Variants in CSMD1 observed in about 807,000 individuals in gnomAD.
CSMD1 encodes CUB and sushi domain-containing protein 1.
A neutral mutation model predicts 417.5 loss-of-function variants in CSMD1; 213 were observed. The observed-to-expected ratio is 0.51, with a 90% confidence interval of 0.46 to 0.57. The LOEUF is 0.57. Among genes scored for constraint, CSMD1 ranks in the 20% least tolerant of loss-of-function variants. CSMD1 has a pLI of 0.00. For missense variants in CSMD1, 6,923 were observed against 4,529.7 expected (o/e 1.53, Z -15.17); for synonymous variants, 2,862 against 1,736.8 (o/e 1.65, Z -16.11).
At chr8:4,058,729 CAAG>C (rs1798822477) in intron 3 of CSMD1, among the ~76,000 whole-genome samples, 1 of 137,342 alleles carries the variant, frequency 7.3e-6, no homozygotes, top group African/African-American at 2.7e-5. Context: ...ATCAATTCAA[CAAG>C]AAGAGCTAAC....
At chr8:4,107,083 G>A (rs1013699860) in intron 3 of CSMD1, among the ~76,000 whole-genome samples, 1 of 152,094 alleles carries the variant, frequency 6.6e-6, no homozygotes, top group South Asian at 2.1e-4. Flanking sequence ...ACGACAACAT[G>A]AACAAGGTGA....
At position 3,199,760 on chromosome 8, in the gene CSMD1, A is replaced by G. The variant is rs370226890; in HGVS notation, c.5148T>C (p.Ser1716=). 2.4e-5 allele frequency: 38 copies of G among 1,588,086 alleles called. No homozygotes were observed. Among genetic ancestry groups the G allele is most frequent in the African/African-American group, 2.1e-4 (16 of 74,658 alleles). ...ATSNQILLRF[S]AKSGASARGF... is the part of the protein sequence containing the mutation. ...CGCGGGCAGAGGCACCGCTCTTTGC[A>G]CTGAATCGGAGCAGAATTTGATTTG... Residue 1716 remains serine, a synonymous_variant, in exon 33 of 70, where the codon AGT becomes AGC. Coordinates refer to ENST00000635120, the MANE Select transcript of CSMD1 (RefSeq NM_033225.6).
At chr8:3,946,739 T>C (rs1437104720) in intron 5 of CSMD1, among the ~76,000 whole-genome samples, 1 of 152,196 alleles carries the variant, frequency 6.6e-6, no homozygotes, top group Non-Finnish European at 1.5e-5. Flanking sequence ...TTTAGTAATT[T>C]CTCTCAGCTA....
intron 3 of CSMD1, among the ~76,000 whole-genome samples, chr8:4,107,219 A>G (rs1176226008): frequency 6.6e-6 from 1 of 152,262 alleles, no homozygotes; most frequent in African/African-American, 2.4e-5. Flanking sequence ...CTACAGAGCT[A>G]GAAGTAGCTG....
At chr8:4,504,323 A>G (rs1802410646) in intron 2 of CSMD1, among the ~76,000 whole-genome samples, 1 of 152,154 alleles carries the variant, frequency 6.6e-6, no homozygotes, top group East Asian at 1.9e-4. Context: ...TAGGGAAGAA[A>G]GGAAAATGGA....
chr8:4,455,809 G>C (rs554287175), intron 2 of CSMD1, among the ~76,000 whole-genome samples: 2 of 150,550 alleles, frequency 1.3e-5, no homozygotes, highest in African/African-American at 2.4e-5. Context: ...CATGTGCCTG[G>C]AATCCCAGCT....
At chr8:4,157,297 C>T (rs993587398) in intron 3 of CSMD1, among the ~76,000 whole-genome samples, 2 of 152,166 alleles carry the variant, frequency 1.3e-5, no homozygotes, top group Admixed American at 6.5e-5. Flanking sequence ...AATTGCAGAG[C>T]TGGGTCACTG....
chr8:4,137,917 G>A (rs539641088), intron 3 of CSMD1, among the ~76,000 whole-genome samples: 24 of 151,158 alleles, frequency 1.6e-4, no homozygotes, highest in African/African-American at 2.9e-4. Flanking sequence ...TCGCTCTGTC[G>A]CCCAGGTTGG....
At position 4,344,376 on chromosome 8, in the gene CSMD1, C is replaced by T. The variant is rs567559442; in HGVS notation, c.415+75577G>A. Among the ~76,000 whole-genome samples, 21 of 152,138 alleles carry T rather than the reference C, an allele frequency of 1.4e-4. No individual in the cohort carries two copies. In the South Asian group the frequency reaches 1.7e-3, roughly 12 times the overall value. ...GTACATTATTTTTCATACTCCCATA[C>T]GCTCAAGCTCAGAGAGTACCTACTA... On this transcript the variant is annotated intron_variant, in intron 3 of 69. Coordinates refer to ENST00000635120, the MANE Select transcript of CSMD1 (RefSeq NM_033225.6).
chr8:3,708,223 C>T (rs763807653), intron 7 of CSMD1, among the ~76,000 whole-genome samples, 191 bp downstream of exon 7: 2 of 152,140 alleles, frequency 1.3e-5, no homozygotes, highest in African/African-American at 4.8e-5. Context: ...GAGTTAGAAC[C>T]ACCACGACAT....
intron 3 of CSMD1, among the ~76,000 whole-genome samples, chr8:4,084,308 CA>C (rs751293413): frequency 5.1e-5 from 7 of 137,118 alleles, no homozygotes; most frequent in Non-Finnish European, 9.4e-5. Flanking sequence ...AAAAAAGTGA[CA>C]AAAAATATTG....
intron 1 of CSMD1, among the ~76,000 whole-genome samples, chr8:4,653,363 G>A (rs546060883): frequency 2.0e-5 from 3 of 152,052 alleles, no homozygotes; most frequent in Admixed American, 6.5e-5. Context: ...CTATCTTTCC[G>A]TGCTGCAGTA....
chr8:3,615,389 C>A (rs1802085060), intron 8 of CSMD1, among the ~76,000 whole-genome samples: 1 of 152,180 alleles, frequency 6.6e-6, no homozygotes, highest in African/African-American at 2.4e-5. Context: ...CTACTCCCCT[C>A]CTCCAGAGAC....
At chr8:4,464,890 A>C (rs1232842455) in intron 2 of CSMD1, among the ~76,000 whole-genome samples, 2 of 152,026 alleles carry the variant, frequency 1.3e-5, no homozygotes, top group Non-Finnish European at 2.9e-5. Context: ...ATTAGTTTTT[A>C]TTAGTTTTAT....
intron 1 of CSMD1, among the ~76,000 whole-genome samples, chr8:4,739,960 G>C (rs762330170): frequency 6.6e-6 from 1 of 152,130 alleles, no homozygotes; most frequent in Non-Finnish European, 1.5e-5. Flanking sequence ...GTCTGAGCTA[G>C]GGAAATAGCT....
Position 3,408,028 on chromosome 8 carries a change from T to G in CSMD1, c.1942A>C (p.Ile648Leu), listed in dbSNP as rs575322000. The G allele has an allele frequency of 6.2e-7, 1 of 1,613,852 alleles. No individual in the cohort carries two copies. The highest frequency in any genetic ancestry group is 1.7e-5 in the Admixed American group (1 of 59,996). The change falls in exon 14 of 70, where the codon ATA becomes CTA. Residue 648 changes from isoleucine (I) to leucine (L), a missense_variant. Coordinates refer to ENST00000635120, the MANE Select transcript of CSMD1 (RefSeq NM_033225.6). ...LAVKDDGISD[I>L]TVLGTFSGNE... Reference sequence around the variant, plus strand: ...CCAGAAAAAGTACCCAGGACAGTTATGTCAGAAATGCCATCATCCTTGACC... The same window carrying G: ...CCAGAAAAAGTACCCAGGACAGTTAGGTCAGAAATGCCATCATCCTTGACC...
intron 5 of CSMD1, among the ~76,000 whole-genome samples, chr8:3,944,670 G>A (rs752178909): frequency 6.6e-6 from 1 of 152,022 alleles, no homozygotes; most frequent in Non-Finnish European, 1.5e-5. Context: ...GGGAATGGTG[G>A]GAAATAAAAA....
At chr8:4,403,663 A>G (rs143317283) in intron 3 of CSMD1, among the ~76,000 whole-genome samples, 51 of 152,186 alleles carry the variant, frequency 3.4e-4, no homozygotes, top group Non-Finnish European at 5.7e-4. Context: ...TCATCTCTCT[A>G]GAGTCTAACC....
At chr8:4,959,261 G>A (rs1190134042) in intron 1 of CSMD1, among the ~76,000 whole-genome samples, 1 of 152,162 alleles carries the variant, frequency 6.6e-6, no homozygotes, top group African/African-American at 2.4e-5. Flanking sequence ...GGGGTCATAT[G>A]TTTTGGAAAA....
Sources: allele counts gnomAD v4.1 joint callset (sites outside exome capture counted in the v4.1 genomes callset), GRCh38; gene constraint gnomAD v4.1.1; transcripts MANE v1.5; gene names NCBI Gene and HGNC (gene_info 2026-07-23, HGNC 2026-07-21).